The following ANAPC1 variants were observed in gnomAD, a reference collection of about 807,000 sequenced individuals.
ANAPC1 encodes the protein anaphase-promoting complex subunit 1.
A neutral mutation model predicts 208.0 loss-of-function variants in ANAPC1; 36 were observed. The ratio of observed to expected loss-of-function variants is 0.17; its 90% CI spans 0.13 to 0.23. The LOEUF (loss-of-function observed/expected upper bound fraction) is 0.23, where lower values mean the gene tolerates loss of function less well. ANAPC1 is among the 10% of genes least tolerant of loss of function. The probability of loss-of-function intolerance (pLI) is 1.00; values close to 1 mark genes in which losing one functional copy is unlikely to be tolerated. For missense variants in ANAPC1, 942 were observed against 2,011.6 expected (o/e 0.47, Z 10.17); for synonymous variants, 378 against 695.2 (o/e 0.54, Z 7.18).
intron 1 of ANAPC1, among the ~76,000 whole-genome samples, chr2:111,881,100 C>A (rs1488202732): frequency 6.6e-6 from 1 of 151,178 alleles, no homozygotes; most frequent in Non-Finnish European, 1.5e-5. Context: ...ACTTATGTCC[C>A]GCACCACCTA....
At chr2:111,851,810 C>CGA (rs1553431557) in intron 13 of ANAPC1, among the ~76,000 whole-genome samples, 10 of 143,268 alleles carry the variant, frequency 7.0e-5, no homozygotes, top group African/African-American at 2.3e-4. Context: ...AACTCTGTCT[C>CGA]AAAAAAAAAA....
chr2:111,825,709 T>C, intron 22 of ANAPC1, 68 bp downstream of exon 22: 1 of 1,514,414 alleles, frequency 6.6e-7, no homozygotes, highest in Non-Finnish European at 9.1e-7. Flanking sequence ...AAAATTCAAT[T>C]CTTTTTTCAA....
intron 21 of ANAPC1, among the ~76,000 whole-genome samples, chr2:111,830,127 G>T (rs1429030843): frequency 6.6e-6 from 1 of 151,942 alleles, no homozygotes; most frequent in African/African-American, 2.4e-5. Context: ...ATGAAGGGAG[G>T]AGTAACGCTA....
At chr2:111,790,505 G>A (rs1677818167) in intron 38 of ANAPC1, among the ~76,000 whole-genome samples, 1 of 152,206 alleles carries the variant, frequency 6.6e-6, no homozygotes, top group African/African-American at 2.4e-5. Flanking sequence ...GTACTGCAGA[G>A]CAGTGGAGAA....
intron 6 of ANAPC1, among the ~76,000 whole-genome samples, chr2:111,871,907 TTTCTAGGTATATAA>T (rs1682769876): frequency 6.6e-6 from 1 of 152,214 alleles, no homozygotes; most frequent in Admixed American, 6.5e-5. Context: ...TCTATAGGGT[TTTCTAGGTATATAA>T]TCATATTATC....
At chr2:111,883,525 C>T (rs1349745189) in intron 1 of ANAPC1, among the ~76,000 whole-genome samples, 2 of 150,472 alleles carry the variant, frequency 1.3e-5, no homozygotes, top group Non-Finnish European at 3.0e-5. Flanking sequence ...CCTACAAACA[C>T]TACCCTGCCA....
intron 14 of ANAPC1, among the ~76,000 whole-genome samples, chr2:111,848,706 G>A (rs1258958343): frequency 6.6e-6 from 1 of 151,582 alleles, no homozygotes; most frequent in South Asian, 2.1e-4. Flanking sequence ...GAACCCAGGA[G>A]GTGGAGGTTG....
chr2:111,831,833 A>C (rs1437315130), intron 20 of ANAPC1, among the ~76,000 whole-genome samples: 1 of 137,368 alleles, frequency 7.3e-6, no homozygotes, highest in African/African-American at 2.9e-5. Context: ...TCTCAAAAAA[A>C]AAAAAAAAAA....
At chr2:111,859,627 AGACT>A (rs1681943320) in intron 10 of ANAPC1, among the ~76,000 whole-genome samples, 1 of 152,236 alleles carries the variant, frequency 6.6e-6, no homozygotes, top group African/African-American at 2.4e-5. Context: ...CAAACCAGAC[AGACT>A]ACTTCAACAT....
At chr2:111,824,351 C>T (rs1679714227) in intron 24 of ANAPC1, among the ~76,000 whole-genome samples, 1 of 151,620 alleles carries the variant, frequency 6.6e-6, no homozygotes, top group Admixed American at 6.6e-5. Context: ...ACATACATCC[C>T]ATATAACATC....
intron 21 of ANAPC1, among the ~76,000 whole-genome samples, chr2:111,826,809 C>T (rs1268834291): frequency 1.3e-5 from 2 of 151,914 alleles, no homozygotes. Context: ...TACAGGCATG[C>T]GCCACCACGC....
At chr2:111,827,760 A>T (rs961561225) in intron 21 of ANAPC1, among the ~76,000 whole-genome samples, 2 of 151,872 alleles carry the variant, frequency 1.3e-5, no homozygotes, top group African/African-American at 4.8e-5. Flanking sequence ...TGTCTCAAAT[A>T]AAAAAAATAA....
chr2:111,880,511 G>A, intron 2 of ANAPC1, 102 bp downstream of exon 2: 1 of 1,470,684 alleles, frequency 6.8e-7, no homozygotes, highest in African/African-American at 1.4e-5. Flanking sequence ...TACTCTAGAA[G>A]TGGCATCACA....
intron 47 of ANAPC1, among the ~76,000 whole-genome samples, chr2:111,770,681 T>C (rs1199832686): frequency 7.2e-6 from 1 of 138,616 alleles, no homozygotes; most frequent in Non-Finnish European, 1.6e-5. Context: ...AGCAGATAAG[T>C]GTCTTCCAGT....
intron 47 of ANAPC1, 145 bp from the exon 48 acceptor site, chr2:111,769,551 T>C (rs1573282647): frequency 4.9e-6 from 3 of 611,842 alleles, no homozygotes; most frequent in Non-Finnish European, 8.9e-6. Flanking sequence ...ATATTTAAAA[T>C]TATGAAATTC....
chr2:111,877,594 C>T (rs1318154247), intron 3 of ANAPC1, among the ~76,000 whole-genome samples: 3 of 152,058 alleles, frequency 2.0e-5, no homozygotes, highest in African/African-American at 7.2e-5. Context: ...TCCTGGCTAA[C>T]ACAGTGAAAC....
intron 20 of ANAPC1, among the ~76,000 whole-genome samples, chr2:111,832,388 G>A (rs1170249875): frequency 6.6e-6 from 1 of 151,680 alleles, no homozygotes; most frequent in African/African-American, 2.4e-5. Context: ...AAACATCCAG[G>A]ATTCAGGTCT....
chr2:111,850,042 C>A (rs1403773894), intron 14 of ANAPC1, among the ~76,000 whole-genome samples: 1 of 152,136 alleles, frequency 6.6e-6, no homozygotes, highest in Admixed American at 6.5e-5. Flanking sequence ...ACTATCTTCT[C>A]AATAAAGCTA....
rs1216465505 is a variant in ANAPC1 at position 111,800,016 on chromosome 2, A to G, written c.4296+781T>C. Reference sequence around the variant, plus strand: ...ATTTTATCTTAAAAGGAAAAAATGTAAATACCAATTCCAGTTAATACATAT... The same window carrying G: ...ATTTTATCTTAAAAGGAAAAAATGTGAATACCAATTCCAGTTAATACATAT... On this transcript the variant is annotated intron_variant, in intron 34 of 47. Transcript: ENST00000341068. 2.2e-5 allele frequency among the ~76,000 whole-genome samples: 2 copies of G among 88,938 alleles called. 1 individual carries two copies. Among genetic ancestry groups the G allele is most frequent in the Non-Finnish European group, 5.0e-5 (2 of 40,212 alleles). The allele number at this position is 88,938 out of a possible 152,430, so 58.3% of individuals were successfully genotyped here.
Sources: gnomAD v4.1 joint callset for allele counts (sites outside exome capture counted in the v4.1 genomes callset) on GRCh38, gnomAD v4.1.1 for gene constraint, MANE v1.5 for transcripts, NCBI Gene and HGNC (gene_info 2026-07-23, HGNC 2026-07-21) for gene names.